Variants in CCPG1 observed in about 807,000 individuals in gnomAD.
The protein encoded by CCPG1 is cell cycle progression protein 1.
CCPG1 carries 46 observed loss-of-function variants against 81.3 expected under a neutral mutation model. The observed-to-expected ratio is 0.57, with a 90% CI of 0.45 to 0.72. The LOEUF is 0.72. Among genes scored for constraint, CCPG1 ranks in the 30% least tolerant of loss-of-function variants. The pLI is 0.00. For missense variants in CCPG1, 902 were observed against 937.6 expected, an observed-to-expected ratio of 0.96 and a Z score of 0.50; for synonymous variants, 330 against 305.2, an observed-to-expected ratio of 1.08 and a Z score of -0.85.
intron 1 of CCPG1, among the ~76,000 whole-genome samples, chr15:55,396,916 C>T (rs1233060481): frequency 6.6e-6 from 1 of 152,106 alleles, no homozygotes. Context: ...AGATTAAACA[C>T]AAGATAAGCC....
Position 55,371,961 on chromosome 15 carries a change from C to T in CCPG1, c.538G>A (p.Ala180Thr). 6.2e-7 allele frequency: 1 copy of T among 1,614,160 alleles called. No homozygotes were observed. Among genetic ancestry groups the T allele is most frequent in the Non-Finnish European group, 8.5e-7 (1 of 1,180,020 alleles). Residue 180 changes from alanine (A) to threonine (T), a missense_variant, in exon 6 of 9, where the codon GCT (alanine) becomes ACT (threonine). Ala to Thr is a moderately conservative substitution (Grantham distance 58, BLOSUM62 0). This residue lies in a region of CCPG1 where 746 missense variants were observed against 728.6 expected (regional missense o/e 1.02). Coordinates refer to ENST00000442196, the MANE Select transcript of CCPG1 (RefSeq NM_001204450.2). ...QPSPAFRRRR[A>T]RKKTVSASES... The stretch of plus-strand genomic sequence containing the variant: ...GAAGCAGAAACGGTCTTCTTCCTAG[C>T]ACGGCGTCGTCTAAAGGCAGGACTG...
At chr15:55,390,089 A>G (rs1475781823) in intron 1 of CCPG1, among the ~76,000 whole-genome samples, 1 of 151,896 alleles carries the variant, frequency 6.6e-6, no homozygotes, top group Non-Finnish European at 1.5e-5. Flanking sequence ...ACGCCCCACT[A>G]ATTTTTGTAT....
At position 55,372,508 on chromosome 15, in the gene CCPG1, A is replaced by G. The variant is rs898580902; in HGVS notation, c.455-464T>C. Reference sequence around the variant, plus strand: ...AAACCCCTTCTCTACTAAAAATACAAAAATTAGCCGGGCATGGTAGTGCAC... The same window carrying G: ...AAACCCCTTCTCTACTAAAAATACAGAAATTAGCCGGGCATGGTAGTGCAC... On this transcript the variant is annotated intron_variant, in intron 5 of 8. Coordinates refer to ENST00000442196, the MANE Select transcript of CCPG1 (RefSeq NM_001204450.2). 9 of 190,394 alleles carry G rather than the reference A, an allele frequency of 4.7e-5. No homozygotes were observed. The South Asian group carries it at 8.6e-4, about 18-fold the overall frequency. The allele number at this position is 190,394 out of a possible 1,614,324, so 11.8% of individuals were successfully genotyped here. A position where few individuals can be genotyped will look rare whatever the true frequency, so the allele number is the denominator to read the frequency against.
At position 55,377,162 on chromosome 15, in the gene CCPG1, T is replaced by G; in HGVS notation, c.253-12A>C. The G allele has an allele frequency of 6.3e-7, 1 of 1,587,634 alleles. No individual in the cohort carries two copies. Among genetic ancestry groups the G allele is most frequent in the East Asian group, 2.2e-5 (1 of 44,736 alleles). Reference sequence around the variant, plus strand: ...TTTTGTTCCTCTGCCTGAAGAATCATAATTTTAGAGATGGTAAGTTCAACA... The same window carrying G: ...TTTTGTTCCTCTGCCTGAAGAATCAGAATTTTAGAGATGGTAAGTTCAACA... On this transcript the variant is annotated splice_polypyrimidine_tract_variant and intron_variant, in intron 4 of 8. Transcript: ENST00000442196.
At position 55,385,652 on chromosome 15, in the gene CCPG1, T is replaced by A; in HGVS notation, c.123A>T (p.Glu41Asp). 1.2e-6 allele frequency: 2 copies of A among 1,612,882 alleles called. No homozygotes were observed. Among genetic ancestry groups the A allele is most frequent in the Non-Finnish European group, 8.5e-7 (1 of 1,179,174 alleles). The stretch of plus-strand genomic sequence containing the variant: ...GCTCCTCTTGCTCTAAAGATGAACA[T>A]TCTGGGGCGGGCTCACAGCTGTCAG... ...TPTDSCEPAP[E>D]CSSLEQEELQ... The change falls in exon 3 of 9, where the codon GAA becomes GAT. Residue 41 changes from glutamate (E) to aspartate (D), a missense_variant. Physicochemically the swap from Glu to Asp is conservative, Grantham distance 45. Transcript: ENST00000442196.
chr15:55,379,747 C>T (rs1283565585), intron 3 of CCPG1, among the ~76,000 whole-genome samples: 2 of 151,726 alleles, frequency 1.3e-5, no homozygotes, highest in Admixed American at 6.6e-5. Flanking sequence ...TTATAAGAAC[C>T]TCCTCAAAGA....
At chr15:55,378,630 G>C (rs1487124042) in intron 3 of CCPG1, among the ~76,000 whole-genome samples, 1 of 150,356 alleles carries the variant, frequency 6.7e-6, no homozygotes, top group African/African-American at 2.4e-5. Context: ...TGGAGATGGA[G>C]TCTTGCTCTG....
intron 1 of CCPG1, among the ~76,000 whole-genome samples, chr15:55,405,528 G>C (rs1394117088): frequency 2.0e-5 from 3 of 152,074 alleles, no homozygotes; most frequent in Non-Finnish European, 4.4e-5. Flanking sequence ...CCATACAATA[G>C]AGCAAGACTC....
intron 5 of CCPG1, among the ~76,000 whole-genome samples, chr15:55,375,790 G>A (rs1325587851): frequency 6.6e-6 from 1 of 151,650 alleles, no homozygotes; most frequent in East Asian, 1.9e-4. Context: ...AACCTCCCAG[G>A]CTCAAGCAAT....
intron 1 of CCPG1, among the ~76,000 whole-genome samples, chr15:55,405,039 A>C (rs2057191028): frequency 6.6e-6 from 1 of 152,036 alleles, no homozygotes; most frequent in African/African-American, 2.4e-5. Context: ...AGCCCGGCTA[A>C]CATGGCAAAA....
At chr15:55,377,958 A>G (rs2056601314) in intron 4 of CCPG1, among the ~76,000 whole-genome samples, 1 of 152,226 alleles carries the variant, frequency 6.6e-6, no homozygotes, top group Admixed American at 6.5e-5. Flanking sequence ...ATCTAGTTTT[A>G]TACAGAAGTC....
Position 55,375,364 on chromosome 15 carries a change from T to C in CCPG1, c.454+1585A>G, listed in dbSNP as rs569559082. 1.4e-4 allele frequency among the ~76,000 whole-genome samples: 21 copies of C among 152,260 alleles called. No individual in the cohort carries two copies. In the East Asian group the frequency reaches 3.9e-3, roughly 28 times the overall value. On this transcript the variant is annotated intron_variant, in intron 5 of 8. Transcript: ENST00000442196. The stretch of plus-strand genomic sequence containing the variant: ...CAATTTGACTTTTCTGGGCCATGAA[T>C]ATTCTCTAATTAAACCAGAGGCAGG...
rs576684710 is a variant in CCPG1, at chr15:55,356,071, T to C, written c.*149A>G. On this transcript the variant is annotated 3_prime_UTR_variant, in exon 9 of 9. Coordinates refer to ENST00000442196, the MANE Select transcript of CCPG1 (RefSeq NM_001204450.2). ...GGTTAGTAGACTTTTAACTAATGCTTCTGAGGAATAATATAAAGTTATCAA... is the reference window on the plus strand; with the variant it reads ...GGTTAGTAGACTTTTAACTAATGCTCCTGAGGAATAATATAAAGTTATCAA... The C allele has an allele frequency of 6.3e-6, 4 of 636,330 alleles. No individual in the cohort carries two copies. The highest frequency in any genetic ancestry group is 1.0e-5 in the Non-Finnish European group (4 of 393,928). The allele number at this position is 636,330 out of a possible 1,614,324, so 39.4% of individuals were successfully genotyped here. A position where few individuals can be genotyped will look rare whatever the true frequency, so the allele number is the denominator to read the frequency against.
intron 3 of CCPG1, among the ~76,000 whole-genome samples, chr15:55,383,918 C>T (rs930216112): frequency 1.3e-5 from 2 of 152,188 alleles, no homozygotes; most frequent in Non-Finnish European, 2.9e-5. Context: ...TATATGGCTT[C>T]CTTATCATTC....
At chr15:55,389,311 CACTGGTA>C in intron 2 of CCPG1, 47 bp downstream of exon 2, 1 of 1,226,832 alleles carries the variant, frequency 8.2e-7, no homozygotes, top group Non-Finnish European at 1.2e-6. Context: ...CAGTTTACAT[CACTGGTA>C]ACATTAATAT....
intron 3 of CCPG1, among the ~76,000 whole-genome samples, chr15:55,383,943 A>G (rs2056751383): frequency 6.6e-6 from 1 of 151,808 alleles, no homozygotes; most frequent in Non-Finnish European, 1.5e-5. Flanking sequence ...GTTCACTAAG[A>G]AGGACTTTTA....
At chr15:55,360,985 G>C in intron 7 of CCPG1, 41 bp from the exon 8 acceptor site, 2 of 1,450,854 alleles carry the variant, frequency 1.4e-6, no homozygotes, top group Non-Finnish European at 1.8e-6. Flanking sequence ...AATGTCAAAT[G>C]CTTTAAAAGC....
At chr15:55,375,173 T>C (rs1226842335) in intron 5 of CCPG1, among the ~76,000 whole-genome samples, 1 of 152,230 alleles carries the variant, frequency 6.6e-6, no homozygotes, top group East Asian at 1.9e-4. Flanking sequence ...AGAATGGTCT[T>C]AGAACTATAC....
intron 2 of CCPG1, among the ~76,000 whole-genome samples, chr15:55,388,963 G>A (rs760815458): frequency 1.3e-5 from 2 of 149,902 alleles, no homozygotes; most frequent in African/African-American, 2.5e-5. Flanking sequence ...AGCTACTCAG[G>A]AGGCTGAGGC....
Sources: gnomAD v4.1 joint callset for allele counts (sites outside exome capture counted in the v4.1 genomes callset) on GRCh38, gnomAD v4.1.1 for gene constraint, gnomAD v4.1.1 regional missense constraint, MANE v1.5 for transcripts, NCBI Gene and HGNC (gene_info 2026-07-23, HGNC 2026-07-21) for gene names.